DGKB: variants seen among roughly 807,000 people sequenced by gnomAD.
DGKB encodes the protein 90 kDa diacylglycerol kinase.
In DGKB, 67 loss-of-function variants were observed where a neutral mutation model predicts 114.3. The observed-to-expected ratio is 0.59, with a 90% CI of 0.48 to 0.72. DGKB has a LOEUF of 0.72. Among genes scored for constraint, DGKB ranks in the 30% least tolerant of loss-of-function variants. DGKB has a pLI of 0.00. For missense variants in DGKB, 907 were observed against 975.2 expected, an observed-to-expected ratio of 0.93 and a Z score of 0.93; for synonymous variants, 398 against 323.1, an observed-to-expected ratio of 1.23 and a Z score of -2.49.
At chr7:14,549,238 T>C (rs1794761660) in intron 20 of DGKB, among the ~76,000 whole-genome samples, 1 of 152,030 alleles carries the variant, frequency 6.6e-6, no homozygotes, top group Non-Finnish European at 1.5e-5. Context: ...GATGGTACTA[T>C]TGAACTGGTT....
chr7:14,678,024 A>C (rs1026247957), intron 12 of DGKB, among the ~76,000 whole-genome samples: 1 of 152,038 alleles, frequency 6.6e-6, no homozygotes, highest in Admixed American at 6.6e-5. Flanking sequence ...GTATTTGTTT[A>C]AGTTTACTTG....
chr7:14,849,376 G>T (rs559276011), intron 1 of DGKB, among the ~76,000 whole-genome samples: 2 of 151,960 alleles, frequency 1.3e-5, no homozygotes, highest in African/African-American at 4.8e-5. Flanking sequence ...ACCTTTGAGG[G>T]GTATTTAGGC....
intron 20 of DGKB, among the ~76,000 whole-genome samples, chr7:14,531,360 G>C (rs552008002): frequency 6.6e-6 from 1 of 151,298 alleles, no homozygotes; most frequent in Admixed American, 6.6e-5. Context: ...GTTTGGCAAG[G>C]GCACAAGATT....
At chr7:14,695,866 T>G (rs141325612) in intron 8 of DGKB, among the ~76,000 whole-genome samples, 1,807 of 152,152 alleles carry the variant, frequency 0.012, 32 homozygotes, top group African/African-American at 0.04. Flanking sequence ...TACATTTGTT[T>G]ACAATGAGAA....
chr7:14,746,584 C>T (rs926628911), intron 4 of DGKB, among the ~76,000 whole-genome samples: 9 of 152,152 alleles, frequency 5.9e-5, no homozygotes, highest in Non-Finnish European at 1.0e-4. Context: ...CTGCAACTTC[C>T]GCCTCCTGGG....
intron 23 of DGKB, among the ~76,000 whole-genome samples, chr7:14,304,930 A>G (rs1318149604): frequency 6.6e-6 from 1 of 152,150 alleles, no homozygotes; most frequent in African/African-American, 2.4e-5. Context: ...TGTATTATCT[A>G]TGACTTTCAT....
chr7:14,684,773 A>G (rs764938255), intron 10 of DGKB, among the ~76,000 whole-genome samples: 3 of 152,156 alleles, frequency 2.0e-5, no homozygotes, highest in Non-Finnish European at 2.9e-5. Flanking sequence ...ATTAGTTCGT[A>G]TATCTTGCGA....
At chr7:14,416,373 A>C in intron 21 of DGKB, among the ~76,000 whole-genome samples, 1 of 152,144 alleles carries the variant, frequency 6.6e-6, no homozygotes, top group East Asian at 1.9e-4. Flanking sequence ...CATTGCTAAG[A>C]ACTTTGTAAA....
At chr7:14,900,099 C>T (rs1040984004) in intron 1 of DGKB, among the ~76,000 whole-genome samples, 8 of 152,082 alleles carry the variant, frequency 5.3e-5, no homozygotes, top group Non-Finnish European at 1.5e-5. Context: ...AAATAACTGC[C>T]CACTACTACT....
intron 17 of DGKB, among the ~76,000 whole-genome samples, chr7:14,586,029 C>A (rs1367925680): frequency 3.3e-5 from 5 of 152,038 alleles, no homozygotes; most frequent in Non-Finnish European, 7.4e-5. Context: ...CCTACAATGT[C>A]CTCTAAGTGT....
At position 14,391,681 on chromosome 7, in the gene DGKB, G is replaced by A. The variant is rs929963995; in HGVS notation, c.1836-46290C>T. On this transcript the variant is annotated intron_variant, in intron 21 of 25. Coordinates refer to ENST00000402815, the MANE Select transcript of DGKB (RefSeq NM_001350709.2). ...AACTCTGGCCTGGGCAACAGAATGA[G>A]ACCCTGTGTCAGGAAAAATAAAAGA... Among the ~76,000 whole-genome samples the A allele has an allele frequency of 3.9e-5, 6 of 152,206 alleles. No individual in the cohort carries two copies. In the South Asian group the frequency reaches 1.2e-3, roughly 32 times the overall value.
At chr7:14,362,334 T>C (rs909240520) in intron 21 of DGKB, among the ~76,000 whole-genome samples, 1 of 152,078 alleles carries the variant, frequency 6.6e-6, no homozygotes, top group Admixed American at 6.6e-5. Flanking sequence ...ATTTGGAATT[T>C]AATCATTTGA....
At chr7:14,720,689 T>C (rs1829028562) in intron 5 of DGKB, among the ~76,000 whole-genome samples, 1 of 152,136 alleles carries the variant, frequency 6.6e-6, no homozygotes, top group Non-Finnish European at 1.5e-5. Flanking sequence ...TGTGGCTTTA[T>C]GTTTTACATT....
At chr7:14,348,242 A>G (rs1002993446) in intron 21 of DGKB, among the ~76,000 whole-genome samples, 2 of 151,822 alleles carry the variant, frequency 1.3e-5, no homozygotes, top group African/African-American at 2.4e-5. Context: ...ATGGATACAA[A>G]TGGACTCATA....
At chr7:14,654,085 A>G (rs1342996360) in intron 13 of DGKB, among the ~76,000 whole-genome samples, 1 of 152,120 alleles carries the variant, frequency 6.6e-6, no homozygotes, top group Non-Finnish European at 1.5e-5. Context: ...GGAAAAGAGG[A>G]TGTCAACTTA....
rs142118376 is a variant in DGKB at position 14,594,643 on chromosome 7, CTGTT to C, written c.1434-11510_1434-11507del. On this transcript the variant is annotated intron_variant, in intron 17 of 25. Transcript: ENST00000402815. ...GCACAAGTGATTAGGTTGCTGAAGA[CTGTT>C]TGACAAATTTACTGAAATCCATTCT... Among the ~76,000 whole-genome samples the C allele has an allele frequency of 2.5e-3, 381 of 152,198 alleles. 1 individual carries two copies. The highest frequency in any genetic ancestry group is 8.5e-3 in the African/African-American group (354 of 41,564).
chr7:14,313,962 G>A (rs1438131195), intron 23 of DGKB, among the ~76,000 whole-genome samples: 2 of 152,176 alleles, frequency 1.3e-5, no homozygotes, highest in African/African-American at 4.8e-5. Context: ...CTCCTCAAGT[G>A]GGTCCCTCAC....
intron 20 of DGKB, among the ~76,000 whole-genome samples, chr7:14,567,523 A>G (rs1232855359): frequency 1.2e-5 from 1 of 82,918 alleles, no homozygotes; most frequent in South Asian, 2.9e-4. Flanking sequence ...ATATTTATAT[A>G]TTATAATTAT....
chr7:14,774,359 A>C (rs1586403266), intron 2 of DGKB, among the ~76,000 whole-genome samples: 1 of 152,368 alleles, frequency 6.6e-6, no homozygotes, highest in African/African-American at 2.4e-5. Context: ...AGTATAAAGA[A>C]GATTCTAACT....
Sources: gnomAD v4.1 joint callset for allele counts (sites outside exome capture counted in the v4.1 genomes callset) on GRCh38, gnomAD v4.1.1 for gene constraint, MANE v1.5 for transcripts, NCBI Gene and HGNC (gene_info 2026-07-23, HGNC 2026-07-21) for gene names.